Variants in DPP10 observed in about 807,000 individuals in gnomAD.
DPP10 encodes the protein inactive dipeptidyl peptidase 10.
Under a neutral mutation model 120.9 loss-of-function variants are expected in DPP10, and 33 were observed. The observed-to-expected ratio is 0.27, with a 90% CI of 0.21 to 0.37. DPP10 has a LOEUF of 0.37. DPP10 is among the 10% of genes least tolerant of loss of function. The pLI is 1.00. For missense variants in DPP10, 816 were observed against 942.8 expected (o/e 0.87, Z 1.76); for synonymous variants, 337 against 326.1 (o/e 1.03, Z -0.36).
chr2:115,092,795 T>C (rs1709389302), intron 1 of DPP10, among the ~76,000 whole-genome samples: 1 of 152,122 alleles, frequency 6.6e-6, no homozygotes, highest in East Asian at 1.9e-4. Flanking sequence ...GAAAAGCAAA[T>C]ACAATAATAA....
chr2:115,300,624 T>C (rs2105973358), intron 1 of DPP10, among the ~76,000 whole-genome samples: 1 of 152,198 alleles, frequency 6.6e-6, no homozygotes, highest in African/African-American at 2.4e-5. Flanking sequence ...TATTGATTAT[T>C]AATGATAATC....
rs561618952 is a variant in DPP10, at chr2:114,762,045, C to T, written c.60+319207C>T. Among the ~76,000 whole-genome samples, 67 of 152,282 alleles carry T rather than the reference C, an allele frequency of 4.4e-4. 1 individual carries two copies. Among genetic ancestry groups the T allele is most frequent in the African/African-American group, 1.4e-3 (58 of 41,546 alleles). Reference sequence around the variant, plus strand: ...TCTCATTTGAAGATTCACTCTCCCCCGTCTAAGCACACCCAGAAGAAATTC... The same window carrying T: ...TCTCATTTGAAGATTCACTCTCCCCTGTCTAAGCACACCCAGAAGAAATTC... On this transcript the variant is annotated intron_variant, in intron 1 of 25. Coordinates refer to ENST00000410059, the MANE Select transcript of DPP10 (RefSeq NM_020868.6).
intron 1 of DPP10, among the ~76,000 whole-genome samples, chr2:114,496,643 C>T (rs1682543679): frequency 6.6e-6 from 1 of 152,174 alleles, no homozygotes; most frequent in East Asian, 1.9e-4. Flanking sequence ...ATATCTTCAC[C>T]TTGGAGGGTT....
intron 7 of DPP10, among the ~76,000 whole-genome samples, chr2:115,707,783 A>T (rs1158295589): frequency 6.6e-6 from 1 of 151,874 alleles, no homozygotes; most frequent in African/African-American, 2.4e-5. Flanking sequence ...GTGATAAAAG[A>T]AAGGTCCATA....
chr2:115,575,594 C>T (rs754084730), intron 5 of DPP10, among the ~76,000 whole-genome samples: 2 of 152,172 alleles, frequency 1.3e-5, no homozygotes, highest in Non-Finnish European at 2.9e-5. Flanking sequence ...AGCAGAATTT[C>T]ATACATCACC....
intron 1 of DPP10, among the ~76,000 whole-genome samples, chr2:114,467,037 CAA>C (rs35956526): frequency 8.0e-5 from 11 of 136,666 alleles, no homozygotes; most frequent in Admixed American, 2.2e-4. Flanking sequence ...ACTCCATATC[CAA>C]AAAAAAAAAA....
intron 3 of DPP10, among the ~76,000 whole-genome samples, chr2:115,494,505 T>C (rs1368417433): frequency 1.3e-5 from 2 of 152,100 alleles, no homozygotes; most frequent in Non-Finnish European, 2.9e-5. Context: ...AAGTTTAACA[T>C]TGTTGTGAGC....
At chr2:115,414,254 T>C (rs1403764162) in intron 3 of DPP10, among the ~76,000 whole-genome samples, 1 of 152,220 alleles carries the variant, frequency 6.6e-6, no homozygotes, top group African/African-American at 2.4e-5. Flanking sequence ...ATAAATGTAC[T>C]TTCAAGGCAA....
intron 1 of DPP10, among the ~76,000 whole-genome samples, chr2:114,873,741 G>A (rs1403991131): frequency 2.0e-5 from 3 of 152,030 alleles, no homozygotes; most frequent in Non-Finnish European, 4.4e-5. Flanking sequence ...CCACGTTAAC[G>A]TACATGCCCT....
At chr2:115,089,581 T>C (rs922738977) in intron 1 of DPP10, among the ~76,000 whole-genome samples, 8 of 152,254 alleles carry the variant, frequency 5.3e-5, no homozygotes, top group Non-Finnish European at 1.0e-4. Context: ...AATCATTTTT[T>C]CCCTTCAACT....
chr2:115,788,563 T>A (rs770413730), intron 17 of DPP10, among the ~76,000 whole-genome samples: 3 of 152,222 alleles, frequency 2.0e-5, no homozygotes, highest in Non-Finnish European at 2.9e-5. Context: ...ATGATGTTTA[T>A]ACAAATGCTA....
chr2:114,533,138 G>A (rs1183771545), intron 1 of DPP10, among the ~76,000 whole-genome samples: 4 of 152,106 alleles, frequency 2.6e-5, no homozygotes, highest in African/African-American at 4.8e-5. Flanking sequence ...ATGTATCATG[G>A]CATTGGGCAT....
intron 4 of DPP10, among the ~76,000 whole-genome samples, chr2:115,520,544 C>T (rs113878991): frequency 0.012 from 1,838 of 151,734 alleles, 33 homozygotes; most frequent in African/African-American, 0.042. Context: ...ATAGAGATGT[C>T]TTTAGATATT....
intron 1 of DPP10, among the ~76,000 whole-genome samples, chr2:114,841,727 G>T (rs1362846012): frequency 6.6e-6 from 1 of 152,120 alleles, no homozygotes; most frequent in Non-Finnish European, 1.5e-5. Context: ...ACTCAATTCT[G>T]TGAACTTACC....
intron 1 of DPP10, among the ~76,000 whole-genome samples, chr2:114,976,668 C>T (rs1487201760): frequency 6.6e-6 from 1 of 152,136 alleles, no homozygotes; most frequent in Non-Finnish European, 1.5e-5. Flanking sequence ...TTGTAAGTAA[C>T]TTCTCTGCAA....
intron 1 of DPP10, among the ~76,000 whole-genome samples, chr2:115,258,909 A>G (rs977644318): frequency 6.6e-6 from 1 of 152,230 alleles, no homozygotes; most frequent in Non-Finnish European, 1.5e-5. Flanking sequence ...TAAAAAATAA[A>G]TAATTGTGCT....
chr2:114,570,364 A>G (rs1281040674), intron 1 of DPP10, among the ~76,000 whole-genome samples: 1 of 152,146 alleles, frequency 6.6e-6, no homozygotes, highest in East Asian at 1.9e-4. Context: ...CTCCAACTTC[A>G]ATATCACCGT....
At chr2:115,134,003 A>G (rs1385468053) in intron 1 of DPP10, among the ~76,000 whole-genome samples, 1 of 152,226 alleles carries the variant, frequency 6.6e-6, no homozygotes, top group Non-Finnish European at 1.5e-5. Context: ...GAACTTCTAA[A>G]GGAAAATAAA....
intron 5 of DPP10, among the ~76,000 whole-genome samples, chr2:115,588,974 T>A (rs1236214698): frequency 1.3e-5 from 2 of 152,150 alleles, no homozygotes; most frequent in African/African-American, 4.8e-5. Context: ...ATAAAATAAA[T>A]TATTACTTGT....
Sources: allele counts gnomAD v4.1 joint callset (sites outside exome capture counted in the v4.1 genomes callset), GRCh38; gene constraint gnomAD v4.1.1; transcripts MANE v1.5; gene names NCBI Gene and HGNC (gene_info 2026-07-23, HGNC 2026-07-21).